The following COL6A6 variants were observed in gnomAD, a reference collection of about 807,000 sequenced individuals.
COL6A6 encodes the protein collagen type VI alpha 6 chain.
COL6A6 carries 183 observed loss-of-function variants against 208.6 expected under a neutral mutation model. The ratio of observed to expected loss-of-function variants is 0.88; its 90% confidence interval spans 0.78 to 0.99. The LOEUF (loss-of-function observed/expected upper bound fraction) is 0.99. Ranked by LOEUF, COL6A6 falls within the 50% of genes least tolerant of loss-of-function variation. The probability of loss-of-function intolerance (pLI) is 0.00; values close to 1 mark genes in which losing one functional copy is unlikely to be tolerated. For synonymous variants in COL6A6, 973 were observed against 1,011.8 expected, an observed-to-expected ratio of 0.96 and a Z score of 0.73; for missense variants, 2,816 against 2,815.2, an observed-to-expected ratio of 1.00 and a Z score of -0.01.
In COL6A6 at chr3:130,649,530, AGCAACGTGCCCTCGGTCAGGC is replaced by A; in HGVS notation, c.5704_5724del (p.Asn1902_Arg1908del). The A allele has an allele frequency of 6.3e-7, 1 of 1,599,440 alleles. No homozygotes were observed. Among genetic ancestry groups the A allele is most frequent in the Non-Finnish European group, 8.5e-7 (1 of 1,172,390 alleles). ...AATCATTCCCGTGGTGATCACTTTC[AGCAACGTGCCCTCGGTCAGGC>A]GCGCATTTGCGGTATGAGGATGAAA... On this transcript the variant is annotated inframe_deletion, in exon 33 of 37. Coordinates refer to ENST00000358511, the MANE Select transcript of COL6A6 (RefSeq NM_001102608.3).
At chr3:130,531,021 CACACACACACACACACAG>C (rs1161430140) in intron 1 of COL6A6, among the ~76,000 whole-genome samples, 81 of 46,462 alleles carry the variant, frequency 1.7e-3, no homozygotes, top group African/African-American at 4.9e-3. Flanking sequence ...CCTCTACACA[CACACACACACACACACAG>C]ACACACACAC....
intron 35 of COL6A6, 141 bp from the exon 36 acceptor site, chr3:130,664,862 T>A: frequency 8.3e-6 from 5 of 601,056 alleles, no homozygotes; most frequent in Non-Finnish European, 1.5e-5. Flanking sequence ...AGAAATCTGC[T>A]TTCATTTCAT....
intron 13 of COL6A6, among the ~76,000 whole-genome samples, chr3:130,591,778 C>G (rs2063721313): frequency 6.6e-6 from 1 of 152,180 alleles, no homozygotes; most frequent in Non-Finnish European, 1.5e-5. Flanking sequence ...TAGAGACATG[C>G]AAAGGAGTGT....
chr3:130,545,529 C>T (rs2062473578), intron 1 of COL6A6, among the ~76,000 whole-genome samples: 1 of 150,818 alleles, frequency 6.6e-6, no homozygotes, highest in South Asian at 2.1e-4. Context: ...TCTCGGCTCA[C>T]TGCAACCTCC....
intron 33 of COL6A6, among the ~76,000 whole-genome samples, chr3:130,658,462 A>C (rs2065854168): frequency 6.6e-6 from 1 of 152,206 alleles, no homozygotes; most frequent in South Asian, 2.1e-4. Context: ...TTTACAGATG[A>C]AGAAACATGG....
chr3:130,626,562 A>G lies in COL6A6; in HGVS notation c.4941+15A>G. ...GTGGCTTGCAGGTTTGTATTTTGAC[A>G]CTAGTTTTGATCGGATTCTTGGAAT... On this transcript the variant is annotated intron_variant, in intron 25 of 36. Transcript: ENST00000358511. 11 of 1,596,302 alleles carry G rather than the reference A, an allele frequency of 6.9e-6. No homozygotes were observed. Among genetic ancestry groups the G allele is most frequent in the Non-Finnish European group, 9.5e-6 (11 of 1,163,876 alleles).
chr3:130,549,799 G>A (rs1255979095), intron 1 of COL6A6, among the ~76,000 whole-genome samples: 1 of 152,168 alleles, frequency 6.6e-6, no homozygotes, highest in Non-Finnish European at 1.5e-5. Flanking sequence ...TAGCCTTGTA[G>A]TATAGTTTGA....
chr3:130,601,922 G>A (rs187294103), intron 20 of COL6A6, among the ~76,000 whole-genome samples: 3 of 152,246 alleles, frequency 2.0e-5, no homozygotes. Context: ...CCTCATGCAG[G>A]GATCAGATTT....
At chr3:130,593,329 C>T in intron 17 of COL6A6, 77 bp downstream of exon 17, 3 of 1,104,168 alleles carry the variant, frequency 2.7e-6, no homozygotes, top group Non-Finnish European at 4.1e-6. Flanking sequence ...AATACTCAGT[C>T]AGCTATTGCT....
chr3:130,624,484 G>A (rs2064827694), intron 24 of COL6A6, among the ~76,000 whole-genome samples: 1 of 152,170 alleles, frequency 6.6e-6, no homozygotes, highest in African/African-American at 2.4e-5. Context: ...GGACTTCTAT[G>A]GCATGTAGTG....
At chr3:130,569,601 C>A (rs2063111230) in intron 6 of COL6A6, among the ~76,000 whole-genome samples, 1 of 152,258 alleles carries the variant, frequency 6.6e-6, no homozygotes, top group African/African-American at 2.4e-5. Context: ...TGCTCATGAT[C>A]TGTATTTTGT....
intron 12 of COL6A6, among the ~76,000 whole-genome samples, chr3:130,590,276 TATATATATATATATATATATATA>T (rs1254675703): frequency 1.5e-4 from 3 of 20,528 alleles, no homozygotes; most frequent in Admixed American, 4.0e-4. Flanking sequence ...TATATATATA[TATATATATATATATATATATATA>T]TTTTTTTTTT....
At chr3:130,670,688 C>T (rs986469539) in intron 36 of COL6A6, among the ~76,000 whole-genome samples, 7 of 152,196 alleles carry the variant, frequency 4.6e-5, no homozygotes, top group Non-Finnish European at 7.3e-5. Flanking sequence ...GGCAGTGCCA[C>T]GCTGCATTTA....
intron 23 of COL6A6, among the ~76,000 whole-genome samples, chr3:130,612,667 G>C (rs760177476): frequency 6.6e-6 from 1 of 152,092 alleles, no homozygotes. Context: ...TGGGCGTAGG[G>C]GATGCCGCTG....
At position 130,593,254 on chromosome 3, in the gene COL6A6, T is replaced by C; in HGVS notation, c.4470+2T>C. Reference sequence around the variant, plus strand: ...GAAAAGGGAGATGAGGGATCTCAGGTAGGGATTTGAAAAGGAAGAACATAA... The same window carrying C: ...GAAAAGGGAGATGAGGGATCTCAGGCAGGGATTTGAAAAGGAAGAACATAA... On this transcript the variant is annotated splice_donor_variant, in intron 17 of 36. Transcript: ENST00000358511. LOFTEE classifies it high-confidence loss of function. 1 of 1,609,760 alleles carries C rather than the reference T, an allele frequency of 6.2e-7. No homozygotes were observed. The highest frequency in any genetic ancestry group is 8.5e-7 in the Non-Finnish European group (1 of 1,176,148).
intron 1 of COL6A6, among the ~76,000 whole-genome samples, chr3:130,527,890 C>CTTTTTTTTT (rs56110472): frequency 3.6e-4 from 21 of 57,836 alleles, no homozygotes; most frequent in Admixed American, 6.6e-4. Context: ...GTTACTTTTC[C>CTTTTTTTTT]TTTTTTTTTT....
intron 23 of COL6A6, among the ~76,000 whole-genome samples, chr3:130,616,483 T>G (rs1433615337): frequency 6.6e-6 from 1 of 151,726 alleles, no homozygotes; most frequent in Non-Finnish European, 1.5e-5. Flanking sequence ...GAATGGCATA[T>G]TCTTTTCTAC....
chr3:130,589,985 G>A lies in COL6A6; in HGVS notation c.4218+803G>A, dbSNP rs77248709. 1,948 of 448,152 alleles carry A rather than the reference G, an allele frequency of 4.3e-3. 31 individuals carry two copies. Among genetic ancestry groups the A allele is most frequent in the African/African-American group, 0.035 (1,762 of 49,896 alleles). The allele number at this position is 448,152 out of a possible 1,614,324, so 27.8% of individuals were successfully genotyped here. A position where few individuals can be genotyped will look rare whatever the true frequency, so the allele number is the denominator to read the frequency against. ...CCTGAATGTTTCAGCTTCATGTAAA[G>A]AGAGTGGTAGATTTTTTTAAAAAAC... On this transcript the variant is annotated intron_variant, in intron 12 of 36. Coordinates refer to ENST00000358511, the MANE Select transcript of COL6A6 (RefSeq NM_001102608.3).
At chr3:130,640,127 A>G (rs1439143401) in intron 28 of COL6A6, among the ~76,000 whole-genome samples, 1 of 152,144 alleles carries the variant, frequency 6.6e-6, no homozygotes, top group Admixed American at 6.5e-5. Context: ...TTTTCAACTA[A>G]ACATCTTTAC....
Sources: allele counts gnomAD v4.1 joint callset (sites outside exome capture counted in the v4.1 genomes callset), GRCh38; gene constraint gnomAD v4.1.1; transcripts MANE v1.5; gene names NCBI Gene and HGNC (gene_info 2026-07-23, HGNC 2026-07-21).